The following ETV6 variants were observed in gnomAD, a reference collection of about 807,000 sequenced individuals.
The protein encoded by ETV6 is transcription factor ETV6.
In ETV6, 16 loss-of-function variants were observed where a neutral mutation model predicts 51.1. The ratio of observed to expected loss-of-function variants is 0.31; its 90% CI spans 0.21 to 0.48. ETV6 has a LOEUF of 0.48. ETV6 is among the 20% of genes least tolerant of loss of function. The probability of loss-of-function intolerance (pLI) is 0.99; values close to 1 mark genes in which losing one functional copy is unlikely to be tolerated. For missense variants in ETV6, 458 were observed against 594.8 expected, an observed-to-expected ratio of 0.77 and a Z score of 2.39; for synonymous variants, 240 against 224.1, an observed-to-expected ratio of 1.07 and a Z score of -0.64.
intron 1 of ETV6, among the ~76,000 whole-genome samples, chr12:11,742,503 C>G (rs982998825): frequency 6.6e-6 from 1 of 152,156 alleles, no homozygotes; most frequent in African/African-American, 2.4e-5. Flanking sequence ...AGGTGTGTAA[C>G]ACTCCTAATC....
chr12:11,827,849 G>A (rs141161392), intron 2 of ETV6, among the ~76,000 whole-genome samples: 52 of 152,304 alleles, frequency 3.4e-4, no homozygotes, highest in Admixed American at 2.4e-3. Flanking sequence ...AAGAGCAGGA[G>A]GGGAAAGAAT....
intron 1 of ETV6, among the ~76,000 whole-genome samples, chr12:11,652,616 A>G (rs529735407): frequency 1.4e-3 from 218 of 152,272 alleles, no homozygotes; most frequent in Admixed American, 2.5e-3. Context: ...TCCACTCCTG[A>G]AACCGTCCTC....
rs557497765 is a variant in ETV6, at chr12:11,882,544, C to T, written c.1010-1901C>T. 9.9e-5 allele frequency among the ~76,000 whole-genome samples: 15 copies of T among 152,280 alleles called. No homozygotes were observed. In the East Asian group the frequency reaches 2.3e-3, roughly 23 times the overall value. On this transcript the variant is annotated intron_variant, in intron 5 of 7. Transcript: ENST00000396373. ...TAGCAACAGCACCTGCCTCATAAGG[C>T]GGCGTAAGGGTCAGATGTAACCAGG...
intron 2 of ETV6, among the ~76,000 whole-genome samples, chr12:11,761,708 G>A (rs1945088222): frequency 6.6e-6 from 1 of 152,212 alleles, no homozygotes; most frequent in African/African-American, 2.4e-5. Context: ...AGTTCCTTGA[G>A]CTCTGGTTCT....
chr12:11,681,610 CATGTGCAGA>C (rs1864532576), intron 1 of ETV6, among the ~76,000 whole-genome samples: 2 of 152,084 alleles, frequency 1.3e-5, no homozygotes, highest in Admixed American at 1.3e-4. Flanking sequence ...TTCTGGGATA[CATGTGCAGA>C]ATGTGCAGGT....
intron 2 of ETV6, among the ~76,000 whole-genome samples, chr12:11,827,317 A>G (rs917982215): frequency 6.6e-6 from 1 of 152,038 alleles, no homozygotes; most frequent in African/African-American, 2.4e-5. Flanking sequence ...AAGGCAACCA[A>G]CCGGGCCTTT....
chr12:11,782,366 G>A (rs972844039), intron 2 of ETV6, among the ~76,000 whole-genome samples: 1 of 152,080 alleles, frequency 6.6e-6, no homozygotes, highest in Non-Finnish European at 1.5e-5. Context: ...TTTTAAGAGA[G>A]AAAAGAAGAC....
chr12:11,884,704 T>C (rs945399094), intron 6 of ETV6, 117 bp downstream of exon 6: 97 of 1,303,288 alleles, frequency 7.4e-5, no homozygotes, highest in South Asian at 7.1e-4. Context: ...CTTATTTAGT[T>C]TATTCCTTGC....
At chr12:11,855,770 C>T (rs1380865424) in intron 4 of ETV6, among the ~76,000 whole-genome samples, 1 of 152,128 alleles carries the variant, frequency 6.6e-6, no homozygotes, top group Non-Finnish European at 1.5e-5. Context: ...CTTTCCTCCC[C>T]TCACTCTACC....
chr12:11,880,032 T>TAAAAAAAAAA (rs59152213), intron 5 of ETV6, among the ~76,000 whole-genome samples: 1 of 117,858 alleles, frequency 8.5e-6, no homozygotes, highest in Non-Finnish European at 1.7e-5. Flanking sequence ...GTCAATTGTT[T>TAAAAAAAAAA]AAAAAAAAAA....
At chr12:11,690,471 G>T (rs1457239238) in intron 1 of ETV6, among the ~76,000 whole-genome samples, 1 of 151,992 alleles carries the variant, frequency 6.6e-6, no homozygotes, top group African/African-American at 2.4e-5. Context: ...CACACCTGTA[G>T]TCTGAGCTAC....
intron 2 of ETV6, among the ~76,000 whole-genome samples, chr12:11,767,517 A>G (rs1189584815): frequency 6.6e-6 from 1 of 152,266 alleles, no homozygotes; most frequent in East Asian, 1.9e-4. Context: ...CGCATGGTAT[A>G]GCAGAAAGAA....
chr12:11,885,617 G>A (rs1157970300), intron 6 of ETV6, among the ~76,000 whole-genome samples: 1 of 152,254 alleles, frequency 6.6e-6, no homozygotes, highest in South Asian at 2.1e-4. Flanking sequence ...GCGGAGCAGA[G>A]AGCGGTCTTG....
Position 11,891,850 on chromosome 12 carries a change from A to G in ETV6, c.*804A>G, listed in dbSNP as rs916298361. 6.4e-6 allele frequency: 2 copies of G among 311,756 alleles called. No homozygotes were observed. Among genetic ancestry groups the G allele is most frequent in the African/African-American group, 2.1e-5 (1 of 47,872 alleles). The allele number at this position is 311,756 out of a possible 1,614,324, so 19.3% of individuals were successfully genotyped here. A position where few individuals can be genotyped will look rare whatever the true frequency, so the allele number is the denominator to read the frequency against. ...CCCGCATCCCAGCATTGGGCCACCC[A>G]TCTGAGGGAGGCCAAAATCATCACA... On this transcript the variant is annotated 3_prime_UTR_variant, in exon 8 of 8. Coordinates refer to ENST00000396373, the MANE Select transcript of ETV6 (RefSeq NM_001987.5).
chr12:11,730,392 A>G (rs183988700), intron 1 of ETV6, among the ~76,000 whole-genome samples: 19 of 152,350 alleles, frequency 1.2e-4, no homozygotes, highest in African/African-American at 4.6e-4. Flanking sequence ...CAGAAGTCCA[A>G]TGAGGCTGCT....
chr12:11,832,893 A>G (rs1407031107), intron 2 of ETV6, among the ~76,000 whole-genome samples: 2 of 152,220 alleles, frequency 1.3e-5, no homozygotes, highest in Non-Finnish European at 2.9e-5. Context: ...TCACCAGGGT[A>G]CTCCCATCTC....
chr12:11,684,511 G>A (rs974157880), intron 1 of ETV6, among the ~76,000 whole-genome samples: 2 of 152,200 alleles, frequency 1.3e-5, no homozygotes, highest in East Asian at 3.8e-4. Context: ...ATTCAGAAGT[G>A]ATGAGAACAG....
intron 2 of ETV6, among the ~76,000 whole-genome samples, chr12:11,773,198 A>G (rs1945267982): frequency 6.8e-6 from 1 of 147,708 alleles, no homozygotes; most frequent in Admixed American, 6.7e-5. Flanking sequence ...ATCTCAAAAA[A>G]AAAAAAAAAA....
intron 2 of ETV6, among the ~76,000 whole-genome samples, chr12:11,807,312 A>G (rs1483373465): frequency 6.6e-6 from 1 of 152,258 alleles, no homozygotes; most frequent in East Asian, 1.9e-4. Context: ...TTTTGGTAGT[A>G]TACGCCAACA....
Sources: allele counts gnomAD v4.1 joint callset (sites outside exome capture counted in the v4.1 genomes callset), GRCh38; gene constraint gnomAD v4.1.1; transcripts MANE v1.5; gene names NCBI Gene and HGNC (gene_info 2026-07-23, HGNC 2026-07-21).